The following ADGRL2 variants were observed in gnomAD, a reference collection of about 807,000 sequenced individuals.
ADGRL2 encodes the protein adhesion G protein-coupled receptor L2.
A neutral mutation model predicts 157.4 loss-of-function variants in ADGRL2; 44 were observed. That is an observed-to-expected ratio of 0.28 (90% CI 0.22 to 0.36). The LOEUF (loss-of-function observed/expected upper bound fraction) is 0.36, where lower values mean the gene tolerates loss of function less well. Among genes scored for constraint, ADGRL2 ranks in the 10% least tolerant of loss-of-function variants. ADGRL2 has a pLI of 1.00. For missense variants in ADGRL2, 1,510 were observed against 1,768.9 expected (o/e 0.85, Z 2.63); for synonymous variants, 585 against 624.7 (o/e 0.94, Z 0.95).
chr1:81,692,767 A>T (rs2083368647), intron 3 of ADGRL2, among the ~76,000 whole-genome samples: 1 of 152,190 alleles, frequency 6.6e-6, no homozygotes, highest in Non-Finnish European at 1.5e-5. Context: ...TGCCAGTATA[A>T]TATTTAATAA....
chr1:81,781,068 T>C (rs986164823), intron 2 of ADGRL2, among the ~76,000 whole-genome samples: 5 of 152,244 alleles, frequency 3.3e-5, no homozygotes, highest in African/African-American at 1.2e-4. Context: ...TTTACTTATT[T>C]ATTTATTTTC....
At chr1:81,709,201 G>A (rs1184574257) in intron 1 of ADGRL2, among the ~76,000 whole-genome samples, 2 of 152,128 alleles carry the variant, frequency 1.3e-5, no homozygotes, top group African/African-American at 2.4e-5. Flanking sequence ...AAAAGTAATT[G>A]TGGTATTTGC....
intron 1 of ADGRL2, among the ~76,000 whole-genome samples, chr1:81,824,632 C>T (rs2091292442): frequency 6.6e-6 from 1 of 152,066 alleles, no homozygotes. Flanking sequence ...TCAAGATAAC[C>T]CAATAGCAAC....
At chr1:81,784,627 CT>C (rs2086952501) in intron 2 of ADGRL2, among the ~76,000 whole-genome samples, 1 of 150,898 alleles carries the variant, frequency 6.6e-6, no homozygotes, top group African/African-American at 2.4e-5. Flanking sequence ...ATTCCGGAGG[CT>C]GAGGCACGAG....
chr1:81,488,234 C>T (rs2078551744), intron 2 of ADGRL2, among the ~76,000 whole-genome samples: 1 of 152,040 alleles, frequency 6.6e-6, no homozygotes, highest in Non-Finnish European at 1.5e-5. Flanking sequence ...AAAGCAGGTT[C>T]AGAAAAGTCC....
At chr1:81,362,394 ATT>A (rs35038022) in intron 1 of ADGRL2, among the ~76,000 whole-genome samples, 20 of 150,376 alleles carry the variant, frequency 1.3e-4, no homozygotes, top group Middle Eastern at 3.4e-3. Context: ...CTGTCTTTTG[ATT>A]TTTTTTTTCT....
chr1:81,408,044 G>A (rs140355252), intron 1 of ADGRL2, among the ~76,000 whole-genome samples: 122 of 152,228 alleles, frequency 8.0e-4, no homozygotes, highest in Middle Eastern at 6.8e-3. Flanking sequence ...ACACACACAG[G>A]AAAAAGGAAG....
intron 1 of ADGRL2, among the ~76,000 whole-genome samples, chr1:81,363,471 G>A (rs1027224424): frequency 2.6e-5 from 4 of 151,966 alleles, no homozygotes; most frequent in African/African-American, 9.7e-5. Flanking sequence ...TCCCTCTGTG[G>A]GACTACAGGA....
intron 3 of ADGRL2, among the ~76,000 whole-genome samples, chr1:81,642,863 C>T (rs1184785545): frequency 6.6e-6 from 1 of 152,084 alleles, no homozygotes; most frequent in African/African-American, 2.4e-5. Context: ...ATTAAAAAAT[C>T]TGATAAAATT....
chr1:81,418,081 T>C (rs1268617185), intron 1 of ADGRL2, among the ~76,000 whole-genome samples: 1 of 152,226 alleles, frequency 6.6e-6, no homozygotes, highest in Admixed American at 6.5e-5. Context: ...CTCTAAAGGC[T>C]GAAATCTATT....
intron 2 of ADGRL2, among the ~76,000 whole-genome samples, chr1:81,787,764 T>C (rs1469622540): frequency 6.6e-6 from 1 of 151,946 alleles, no homozygotes; most frequent in Non-Finnish European, 1.5e-5. Flanking sequence ...GAGAATAGAC[T>C]AAGTCAATCA....
chr1:81,525,024 G>C (rs964306322), intron 2 of ADGRL2, among the ~76,000 whole-genome samples: 1 of 152,228 alleles, frequency 6.6e-6, no homozygotes, highest in Non-Finnish European at 1.5e-5. Flanking sequence ...TTAGGGGACA[G>C]AGGTAAAAAG....
chr1:81,862,802 G>C (rs2093428002), intron 2 of ADGRL2, among the ~76,000 whole-genome samples: 1 of 152,138 alleles, frequency 6.6e-6, no homozygotes, highest in Non-Finnish European at 1.5e-5. Flanking sequence ...ATACAGAGGA[G>C]ATAATAACTG....
intron 1 of ADGRL2, among the ~76,000 whole-genome samples, chr1:81,363,606 A>G (rs2076014897): frequency 6.6e-6 from 1 of 152,128 alleles, no homozygotes. Flanking sequence ...CTATGCTGCT[A>G]ACCATCAAAT....
At chr1:81,631,362 G>A (rs1303933405) in intron 3 of ADGRL2, among the ~76,000 whole-genome samples, 1 of 152,012 alleles carries the variant, frequency 6.6e-6, no homozygotes, top group African/African-American at 2.4e-5. Context: ...AATTACAGGT[G>A]TGCACAACCA....
intron 1 of ADGRL2, among the ~76,000 whole-genome samples, chr1:81,439,307 TA>T (rs2077465409): frequency 6.6e-6 from 1 of 152,194 alleles, no homozygotes; most frequent in Non-Finnish European, 1.5e-5. Flanking sequence ...GCATGGTTGG[TA>T]AGTATGCGAA....
intron 3 of ADGRL2, chr1:81,596,437 G>C: frequency 4.4e-6 from 2 of 458,696 alleles, no homozygotes; most frequent in Non-Finnish European, 8.5e-6. Flanking sequence ...CAGCTCGTTA[G>C]AGTGATTCGA....
At chr1:81,887,067 T>G (rs1434592285) in intron 2 of ADGRL2, among the ~76,000 whole-genome samples, 1 of 152,206 alleles carries the variant, frequency 6.6e-6, no homozygotes, top group Non-Finnish European at 1.5e-5. Context: ...TATTTTGTTG[T>G]ATGTTTAATA....
At chr1:81,914,677 A>G (rs1347621774) in intron 3 of ADGRL2, among the ~76,000 whole-genome samples, 1 of 152,160 alleles carries the variant, frequency 6.6e-6, no homozygotes, top group Non-Finnish European at 1.5e-5. Flanking sequence ...CAATCTACTT[A>G]GGTTATTTTC....
Sources: allele counts gnomAD v4.1 joint callset (sites outside exome capture counted in the v4.1 genomes callset), GRCh38; gene constraint gnomAD v4.1.1; transcripts MANE v1.5; gene names NCBI Gene and HGNC (gene_info 2026-07-23, HGNC 2026-07-21).